The following PTPRD variants were observed in gnomAD, a reference collection of about 807,000 sequenced individuals.
PTPRD encodes the protein protein tyrosine phosphatase receptor type D, also known as receptor-type tyrosine-protein phosphatase delta.
Under a neutral mutation model 214.5 loss-of-function variants are expected in PTPRD, and 34 were observed. That is an observed-to-expected ratio of 0.16 (90% CI 0.12 to 0.21). PTPRD has a LOEUF of 0.21. Ranked by LOEUF, PTPRD falls within the 10% of genes least tolerant of loss-of-function variation. The probability of loss-of-function intolerance (pLI) is 1.00; values close to 1 mark genes in which losing one functional copy is unlikely to be tolerated. For missense variants in PTPRD, 2,545 were observed against 2,398.7 expected (o/e 1.06, Z -1.27); for synonymous variants, 1,128 against 845.7 (o/e 1.33, Z -5.79).
intron 3 of PTPRD, among the ~76,000 whole-genome samples, chr9:10,187,411 A>T (rs1466239174): frequency 6.6e-6 from 1 of 152,168 alleles, no homozygotes; most frequent in East Asian, 1.9e-4. Flanking sequence ...AATTATCATC[A>T]TTTAGGCATT....
intron 2 of PTPRD, among the ~76,000 whole-genome samples, chr9:10,605,800 G>C (rs2079153904): frequency 6.6e-6 from 1 of 151,722 alleles, no homozygotes; most frequent in Admixed American, 6.6e-5. Flanking sequence ...CAAATTGCTA[G>C]CACATGGCTG....
At chr9:10,561,021 A>T (rs1590941752) in intron 2 of PTPRD, among the ~76,000 whole-genome samples, 1 of 152,206 alleles carries the variant, frequency 6.6e-6, no homozygotes, top group East Asian at 1.9e-4. Flanking sequence ...AGTATTTCGT[A>T]GTGAGCCTAA....
At chr9:8,882,665 A>C (rs908840529) in intron 11 of PTPRD, among the ~76,000 whole-genome samples, 1 of 152,186 alleles carries the variant, frequency 6.6e-6, no homozygotes, top group East Asian at 1.9e-4. Context: ...TGGGTGGATC[A>C]TTTGAGTCCA....
intron 7 of PTPRD, among the ~76,000 whole-genome samples, chr9:9,730,153 T>C (rs1043737316): frequency 6.6e-6 from 1 of 152,152 alleles, no homozygotes; most frequent in African/African-American, 2.4e-5. Context: ...TAGATGGAAA[T>C]AGCATTCAAT....
intron 2 of PTPRD, among the ~76,000 whole-genome samples, chr9:10,400,509 G>C (rs948478319): frequency 2.0e-5 from 3 of 151,520 alleles, no homozygotes; most frequent in Non-Finnish European, 3.0e-5. Flanking sequence ...ACTTTAAAAT[G>C]CATTCACTGG....
intron 14 of PTPRD, among the ~76,000 whole-genome samples, chr9:8,629,635 G>C (rs2096180969): frequency 6.6e-6 from 1 of 151,874 alleles, no homozygotes. Flanking sequence ...TTCACTTAAA[G>C]TTCTGCTTAG....
chr9:9,338,601 T>C (rs2045533218), intron 9 of PTPRD, among the ~76,000 whole-genome samples: 1 of 152,278 alleles, frequency 6.6e-6, no homozygotes, highest in African/African-American at 2.4e-5. Context: ...GGTATAAAAT[T>C]AACTTTCCAA....
At chr9:8,932,338 C>T (rs56063796) in intron 11 of PTPRD, among the ~76,000 whole-genome samples, 2,527 of 152,238 alleles carry the variant, frequency 0.017, 29 homozygotes, top group Middle Eastern at 0.051. Flanking sequence ...AGCTGTGTCC[C>T]AGAGATTCTG....
chr9:9,592,831 G>T (rs1325681557), intron 7 of PTPRD, among the ~76,000 whole-genome samples: 2 of 151,988 alleles, frequency 1.3e-5, no homozygotes, highest in African/African-American at 2.4e-5. Context: ...GATAACCTGA[G>T]GTCAGGAGTT....
At chr9:9,810,308 G>C (rs1035996036) in intron 5 of PTPRD, among the ~76,000 whole-genome samples, 1 of 151,996 alleles carries the variant, frequency 6.6e-6, no homozygotes, top group Admixed American at 6.6e-5. Flanking sequence ...AGACAAAATA[G>C]CCTTCTATTG....
chr9:10,248,126 A>G (rs2092372951), intron 3 of PTPRD, among the ~76,000 whole-genome samples: 1 of 152,096 alleles, frequency 6.6e-6, no homozygotes, highest in African/African-American at 2.4e-5. Flanking sequence ...TGTAAGTCCA[A>G]TAAACCTCTT....
At chr9:8,905,322 G>C (rs554671097) in intron 11 of PTPRD, among the ~76,000 whole-genome samples, 1 of 152,030 alleles carries the variant, frequency 6.6e-6, no homozygotes, top group Admixed American at 6.6e-5. Flanking sequence ...TCTTCCCGTA[G>C]GCTCTCAGTG....
chr9:8,375,621 A>G (rs2083010482), intron 39 of PTPRD, among the ~76,000 whole-genome samples: 1 of 152,078 alleles, frequency 6.6e-6, no homozygotes, highest in Non-Finnish European at 1.5e-5. Context: ...TGTTTTTAAG[A>G]ATATTCCCCC....
At position 8,498,498 on chromosome 9, in the gene PTPRD, G is replaced by A. The variant is rs556691226; in HGVS notation, c.2322+1149C>T. The stretch of plus-strand genomic sequence containing the variant: ...TCACCATGTTGAGCAGGATGGTCTC[G>A]ATCTCTTGACCAGGGGATCCGTCCG... On this transcript the variant is annotated intron_variant, in intron 25 of 45. Coordinates refer to ENST00000381196, the MANE Select transcript of PTPRD (RefSeq NM_002839.4). Among the ~76,000 whole-genome samples, 4 of 152,214 alleles carry A rather than the reference G, an allele frequency of 2.6e-5. No homozygotes were observed. In the East Asian group the frequency reaches 5.8e-4, roughly 22 times the overall value.
rs542781906 is a variant in PTPRD at position 9,026,929 on chromosome 9, T to A, written c.-142-8194A>T. Among the ~76,000 whole-genome samples the A allele has an allele frequency of 3.9e-4, 59 of 151,742 alleles. 2 individuals are homozygous for A. In the South Asian group the frequency reaches 0.011, roughly 29 times the overall value. ...TTTCAATTCACATTCCAGGAAGGAA[T>A]CTCCCCAGCCAGAGCTTCATCTCTT... On this transcript the variant is annotated intron_variant, in intron 10 of 45. Transcript: ENST00000381196.
chr9:8,804,149 C>T (rs758129619), intron 11 of PTPRD, among the ~76,000 whole-genome samples: 12 of 152,136 alleles, frequency 7.9e-5, no homozygotes, highest in Middle Eastern at 3.4e-3. Flanking sequence ...GACAGGGTTT[C>T]GCTATGTTGG....
intron 8 of PTPRD, among the ~76,000 whole-genome samples, chr9:9,457,275 A>T (rs1461861367): frequency 6.6e-6 from 1 of 151,822 alleles, no homozygotes; most frequent in South Asian, 2.1e-4. Flanking sequence ...ACCCCAAAAA[A>T]CCCTATAAAT....
chr9:9,136,501 A>G (rs1203168908), intron 10 of PTPRD, among the ~76,000 whole-genome samples: 3 of 152,194 alleles, frequency 2.0e-5, no homozygotes, highest in Non-Finnish European at 4.4e-5. Flanking sequence ...CACCTCAAAT[A>G]TAATCACTAC....
At chr9:10,196,136 G>T (rs2099397108) in intron 3 of PTPRD, among the ~76,000 whole-genome samples, 1 of 152,084 alleles carries the variant, frequency 6.6e-6, no homozygotes, top group South Asian at 2.1e-4. Flanking sequence ...AAAAATCATT[G>T]AACTTTAATG....
Sources: allele counts gnomAD v4.1 joint callset (sites outside exome capture counted in the v4.1 genomes callset), GRCh38; gene constraint gnomAD v4.1.1; transcripts MANE v1.5; gene names NCBI Gene and HGNC (gene_info 2026-07-23, HGNC 2026-07-21).